The following GLRA3 variants were observed in gnomAD, a reference collection of about 807,000 sequenced individuals.
GLRA3 encodes glycine receptor alpha 3.
GLRA3 carries 44 observed loss-of-function variants against 60.4 expected under a neutral mutation model. That is an observed-to-expected ratio of 0.73 (90% CI 0.57 to 0.94). The LOEUF (loss-of-function observed/expected upper bound fraction) is 0.94, where lower values mean the gene tolerates loss of function less well. Ranked by LOEUF, GLRA3 falls within the 40% of genes least tolerant of loss-of-function variation. The pLI is 0.00. For missense variants in GLRA3, 508 were observed against 564.6 expected (o/e 0.90, Z 1.02); for synonymous variants, 223 against 192.9 (o/e 1.16, Z -1.29).
intron 1 of GLRA3, among the ~76,000 whole-genome samples, chr4:174,803,278 G>A (rs1230486391): frequency 6.6e-6 from 1 of 152,000 alleles, no homozygotes; most frequent in Non-Finnish European, 1.5e-5. Flanking sequence ...TTTGGCATCA[G>A]CTTATTTCAA....
At chr4:174,757,767 C>A (rs1211387360) in intron 3 of GLRA3, among the ~76,000 whole-genome samples, 2 of 152,002 alleles carry the variant, frequency 1.3e-5, no homozygotes, top group African/African-American at 2.4e-5. Context: ...TCTCTTTATC[C>A]CCTTAAGTTG....
chr4:174,794,692 TAA>T (rs981976088), intron 1 of GLRA3, among the ~76,000 whole-genome samples: 3 of 152,204 alleles, frequency 2.0e-5, no homozygotes, highest in African/African-American at 7.2e-5. Flanking sequence ...ATTAATATTT[TAA>T]GTCTTATCTC....
At chr4:174,727,461 G>T (rs1736372903) in intron 4 of GLRA3, among the ~76,000 whole-genome samples, 1 of 151,990 alleles carries the variant, frequency 6.6e-6, no homozygotes. Context: ...ACATGATACT[G>T]GTGAAAAAAG....
intron 3 of GLRA3, among the ~76,000 whole-genome samples, chr4:174,745,497 T>C (rs910455737): frequency 6.6e-6 from 1 of 152,220 alleles, no homozygotes; most frequent in East Asian, 1.9e-4. Context: ...ATACTTACTA[T>C]GTATTTTCAT....
chr4:174,819,161 G>A (rs1740632759), intron 1 of GLRA3, among the ~76,000 whole-genome samples: 1 of 152,130 alleles, frequency 6.6e-6, no homozygotes, highest in Admixed American at 6.5e-5. Context: ...ACAAAAACAT[G>A]CCTATGTTGA....
At chr4:174,808,210 A>T (rs1003683968) in intron 1 of GLRA3, among the ~76,000 whole-genome samples, 3 of 152,168 alleles carry the variant, frequency 2.0e-5, no homozygotes, top group Non-Finnish European at 4.4e-5. Context: ...AACCAAAAAT[A>T]ATATAAGGGT....
intron 1 of GLRA3, among the ~76,000 whole-genome samples, chr4:174,804,157 A>G (rs979831811): frequency 1.3e-5 from 2 of 152,190 alleles, no homozygotes; most frequent in African/African-American, 2.4e-5. Context: ...GTGAAAATTT[A>G]TAGGATGAAG....
chr4:174,667,732 G>A (rs1733736205), intron 7 of GLRA3, among the ~76,000 whole-genome samples: 1 of 152,076 alleles, frequency 6.6e-6, no homozygotes, highest in Non-Finnish European at 1.5e-5. Flanking sequence ...TCTTAAAAAA[G>A]AAAAAGAATA....
chr4:174,780,575 C>T (rs1412409431), intron 2 of GLRA3, among the ~76,000 whole-genome samples: 3 of 148,432 alleles, frequency 2.0e-5, no homozygotes, highest in Non-Finnish European at 3.0e-5. Context: ...ACCCATCTCA[C>T]ATGCAGAGAC....
chr4:174,758,989 A>C (rs1388235138), intron 3 of GLRA3, among the ~76,000 whole-genome samples: 1 of 152,126 alleles, frequency 6.6e-6, no homozygotes. Flanking sequence ...TGCTTTTCAT[A>C]TTCTTCAGAA....
At chr4:174,731,450 T>G (rs181917863) in intron 3 of GLRA3, among the ~76,000 whole-genome samples, 1 of 152,154 alleles carries the variant, frequency 6.6e-6, no homozygotes, top group Non-Finnish European at 1.5e-5. Flanking sequence ...AAAAGGGCCT[T>G]GTACAACACA....
intron 3 of GLRA3, among the ~76,000 whole-genome samples, chr4:174,748,088 T>C (rs1737321717): frequency 6.6e-6 from 1 of 152,170 alleles, no homozygotes; most frequent in Non-Finnish European, 1.5e-5. Context: ...AGCATATGTG[T>C]AGCAAAGGCA....
chr4:174,714,731 A>G (rs1358123576), intron 5 of GLRA3, among the ~76,000 whole-genome samples: 1 of 152,204 alleles, frequency 6.6e-6, no homozygotes, highest in Non-Finnish European at 1.5e-5. Context: ...AAGGTAAAAT[A>G]TTGCATATTG....
intron 2 of GLRA3, among the ~76,000 whole-genome samples, chr4:174,778,134 G>A (rs543639561): frequency 2.0e-5 from 3 of 151,950 alleles, no homozygotes; most frequent in East Asian, 3.9e-4. Flanking sequence ...CTGTAACATC[G>A]TTAGGCAGTG....
At position 174,642,910 on chromosome 4, in the gene GLRA3, G is replaced by A. The variant is rs1026464604; in HGVS notation, c.*876C>T. 13 of 736,280 alleles carry A rather than the reference G, an allele frequency of 1.8e-5. No homozygotes were observed. In the African/African-American group the frequency reaches 2.1e-4, roughly 12 times the overall value. The allele number at this position is 736,280 out of a possible 1,614,324, so 45.6% of individuals were successfully genotyped here. On this transcript the variant is annotated 3_prime_UTR_variant, in exon 10 of 10. Coordinates refer to ENST00000274093, the MANE Select transcript of GLRA3 (RefSeq NM_006529.4). Reference sequence around the variant, plus strand: ...TCACATTCTAAACTAAAATATAAAAGTCTTACTGAATTTTGTCCTGTTATA... The same window carrying A: ...TCACATTCTAAACTAAAATATAAAAATCTTACTGAATTTTGTCCTGTTATA...
chr4:174,722,276 C>T (rs1422956763), intron 4 of GLRA3, among the ~76,000 whole-genome samples: 4 of 152,046 alleles, frequency 2.6e-5, no homozygotes, highest in Non-Finnish European at 5.9e-5. Context: ...CCTCTTGCTT[C>T]CTGCTTAGTT....
chr4:174,704,602 C>A (rs1735446111), intron 5 of GLRA3, among the ~76,000 whole-genome samples: 1 of 143,134 alleles, frequency 7.0e-6, no homozygotes, highest in Non-Finnish European at 1.5e-5. Flanking sequence ...GGATATATGT[C>A]CAAAAGAATT....
At chr4:174,705,104 T>A (rs1272905493) in intron 5 of GLRA3, among the ~76,000 whole-genome samples, 1 of 144,454 alleles carries the variant, frequency 6.9e-6, no homozygotes, top group Non-Finnish European at 1.5e-5. Context: ...ATACTTTGAA[T>A]GTTTGTCCCT....
chr4:174,819,617 A>G (rs952899033), intron 1 of GLRA3, among the ~76,000 whole-genome samples: 1 of 152,208 alleles, frequency 6.6e-6, no homozygotes, highest in African/African-American at 2.4e-5. Flanking sequence ...TATCATTATT[A>G]CTATTTCGGG....
Sources: gnomAD v4.1 joint callset for allele counts (sites outside exome capture counted in the v4.1 genomes callset) on GRCh38, gnomAD v4.1.1 for gene constraint, MANE v1.5 for transcripts, NCBI Gene and HGNC (gene_info 2026-07-23, HGNC 2026-07-21) for gene names.